MTRF1: variants seen among roughly 807,000 people sequenced by gnomAD.
The protein encoded by MTRF1 is peptide chain release factor 1, mitochondrial.
A neutral mutation model predicts 62.9 loss-of-function variants in MTRF1; 51 were observed. The ratio of observed to expected loss-of-function variants is 0.81; its 90% confidence interval spans 0.65 to 1.02. The LOEUF is 1.02. MTRF1 is among the 50% of genes least tolerant of loss of function. The pLI is 0.00. For missense variants in MTRF1, 446 were observed against 530.0 expected (o/e 0.84, Z 1.56); for synonymous variants, 158 against 181.9 (o/e 0.87, Z 1.06).
the MTRF1 span, among the ~76,000 whole-genome samples, chr13:41,299,867 T>C: frequency 6.6e-6 from 1 of 152,220 alleles, no homozygotes; most frequent in South Asian, 2.1e-4. Context: ...TACAAATCTG[T>C]GGTCAGAAAA....
the MTRF1 span, among the ~76,000 whole-genome samples, chr13:41,286,106 A>T: frequency 0.053 from 7,811 of 147,666 alleles, 284 homozygotes; most frequent in Non-Finnish European, 0.074. Flanking sequence ...AAAAAAAAAA[A>T]GGGAAAACTG....
the MTRF1 span, chr13:41,311,611 C>A: frequency 6.3e-7 from 1 of 1,591,238 alleles, no homozygotes. Flanking sequence ...CGCTGCCGCC[C>A]CCCGGTCCCC....
At chr13:41,288,529 G>A in the MTRF1 span, among the ~76,000 whole-genome samples, 26 of 152,292 alleles carry the variant, frequency 1.7e-4, no homozygotes, top group Admixed American at 4.6e-4. Flanking sequence ...GAAAAAGATG[G>A]GATTAGACAA....
rs754057144 is a variant in MTRF1 at position 41,253,009 on chromosome 13, T to C, written c.529A>G (p.Lys177Glu). The C allele has an allele frequency of 1.9e-6, 3 of 1,609,394 alleles. No individual in the cohort carries two copies. Among genetic ancestry groups the C allele is most frequent in the Non-Finnish European group, 2.5e-6 (3 of 1,178,096 alleles). ...ACATCATTTTTGTCATATTTCTCCT[T>C]TGGCACAAGGCTCTGGAAAAGCTGG... is the stretch of plus-strand genomic sequence containing the variant. Reference protein sequence around the residue: ...YNELFQSLVPKEKYDKNDVIL... With the variant: ...YNELFQSLVPEEKYDKNDVIL... Residue 177 changes from lysine to glutamate, a missense_variant, in exon 4 of 10, where the codon AAG (lysine) becomes GAG (glutamate). Transcript: ENST00000379480.
rs1409965232 is a variant in MTRF1 at position 41,223,314 on chromosome 13, TTA to T, written c.1164_1165del (p.Tyr388Ter). On this transcript the variant is annotated stop_gained and frameshift_variant, in exon 9 of 10. Coordinates refer to ENST00000379480, the MANE Select transcript of MTRF1 (RefSeq NM_004294.4). LOFTEE classifies it high-confidence loss of function. ...GTCACTGACTCTATCCTGGGTGAAA[TTA>T]TATGTCCGAATTCGCTCTGACTGGG... 1.2e-6 allele frequency: 2 copies of T among 1,613,928 alleles called. No homozygotes were observed. The highest frequency in any genetic ancestry group is 1.7e-6 in the Non-Finnish European group (2 of 1,179,966).
intron 7 of MTRF1, among the ~76,000 whole-genome samples, chr13:41,232,292 T>G (rs896715462): frequency 2.0e-5 from 3 of 151,008 alleles, no homozygotes; most frequent in Non-Finnish European, 4.4e-5. Flanking sequence ...AAATAATTTT[T>G]TTACAATCAG....
intron 5 of MTRF1, among the ~76,000 whole-genome samples, chr13:41,249,609 A>ATTTTTTTTTTT (rs1364011606): frequency 1.2e-5 from 1 of 84,588 alleles, no homozygotes; most frequent in Non-Finnish European, 2.4e-5. Context: ...TTAGTCTTTG[A>ATTTTTTTTTTT]TTTTTTTTTC....
chr13:41,222,833 T>C (rs1408821685), intron 9 of MTRF1, among the ~76,000 whole-genome samples: 1 of 152,222 alleles, frequency 6.6e-6, no homozygotes, highest in African/African-American at 2.4e-5. Flanking sequence ...ATTTCAGCCT[T>C]GTGAGATCCT....
chr13:41,240,177 G>A (rs992399263), intron 6 of MTRF1, 84 bp downstream of exon 6: 60 of 1,245,886 alleles, frequency 4.8e-5, no homozygotes, highest in Non-Finnish European at 5.9e-5. Context: ...AAAAAAAAAA[G>A]GACAGATTTT....
the MTRF1 span, among the ~76,000 whole-genome samples, chr13:41,301,735 G>A: frequency 1.3e-5 from 2 of 151,440 alleles, no homozygotes; most frequent in African/African-American, 2.4e-5. Context: ...GCAACAGAGT[G>A]AGACTCCGTC....
chr13:41,250,533 C>T (rs533051962), intron 5 of MTRF1, among the ~76,000 whole-genome samples: 10 of 150,828 alleles, frequency 6.6e-5, no homozygotes, highest in Admixed American at 1.3e-4. Context: ...CTTACTCTAT[C>T]GCCCAGGCTG....
the MTRF1 span, among the ~76,000 whole-genome samples, chr13:41,311,935 T>C: frequency 6.6e-6 from 1 of 152,200 alleles, no homozygotes; most frequent in Non-Finnish European, 1.5e-5. Context: ...CCCTCAGGGA[T>C]CCTCCCCCGG....
At chr13:41,279,275 C>T in the MTRF1 span, among the ~76,000 whole-genome samples, 1 of 152,196 alleles carries the variant, frequency 6.6e-6, no homozygotes, top group Non-Finnish European at 1.5e-5. Context: ...CAGGCATGAG[C>T]CACTGTGCCC....
Position 41,216,524 on chromosome 13 carries a change from A to T in MTRF1, c.*591T>A, listed in dbSNP as rs1035247736. 6.6e-6 allele frequency: 1 copy of T among 152,038 alleles called. No homozygotes were observed. Among genetic ancestry groups the T allele is most frequent in the Non-Finnish European group, 1.5e-5 (1 of 68,016 alleles). The allele number at this position is 152,038 out of a possible 1,614,324, so 9.4% of individuals were successfully genotyped here. A position where few individuals can be genotyped will look rare whatever the true frequency, so the allele number is the denominator to read the frequency against. Reference sequence around the variant, plus strand: ...TTGCAGTCTAAGTCTTAACTTTAACATGATTAACAGTATTATGGTTTTTCT... The same window carrying T: ...TTGCAGTCTAAGTCTTAACTTTAACTTGATTAACAGTATTATGGTTTTTCT... On this transcript the variant is annotated 3_prime_UTR_variant, in exon 10 of 10. Transcript: ENST00000379480.
chr13:41,297,742 A>AT, the MTRF1 span, among the ~76,000 whole-genome samples: 4 of 151,446 alleles, frequency 2.6e-5, no homozygotes, highest in South Asian at 2.1e-4. Context: ...CACCCAGCTA[A>AT]TTTTTTTTAT....
the MTRF1 span, among the ~76,000 whole-genome samples, chr13:41,273,416 G>A: frequency 1.8e-4 from 27 of 152,200 alleles, no homozygotes; most frequent in African/African-American, 4.6e-4. Flanking sequence ...GACAGGTCTC[G>A]GTTAATTTAG....
intron 1 of MTRF1, chr13:41,261,793 C>G: frequency 2.0e-6 from 2 of 985,278 alleles, no homozygotes; most frequent in Non-Finnish European, 1.2e-6. Flanking sequence ...TGTGCAATCA[C>G]TTTTCAAAAA....
At chr13:41,311,236 G>T in the MTRF1 span, 1 of 512,284 alleles carries the variant, frequency 2.0e-6, no homozygotes, top group East Asian at 3.5e-5. Flanking sequence ...CACAGGATCC[G>T]GCTCGGGAGG....
the MTRF1 span, among the ~76,000 whole-genome samples, chr13:41,295,569 A>G: frequency 6.6e-6 from 1 of 152,170 alleles, no homozygotes; most frequent in East Asian, 1.9e-4. Context: ...TCTGAAAAAA[A>G]AAAGATTTTA....
Sources: gnomAD v4.1 joint callset for allele counts (sites outside exome capture counted in the v4.1 genomes callset) on GRCh38, gnomAD v4.1.1 for gene constraint, MANE v1.5 for transcripts, NCBI Gene and HGNC (gene_info 2026-07-23, HGNC 2026-07-21) for gene names.